PCDHGA5: variants seen among roughly 807,000 people sequenced by gnomAD.
PCDHGA5 encodes protocadherin gamma-A5.
PCDHGA5 carries 36 observed loss-of-function variants against 56.7 expected under a neutral mutation model. The ratio of observed to expected loss-of-function variants is 0.64; its 90% confidence interval spans 0.49 to 0.84. The LOEUF (loss-of-function observed/expected upper bound fraction) is 0.84. Among genes scored for constraint, PCDHGA5 ranks in the 40% least tolerant of loss-of-function variants. The pLI, the probability that PCDHGA5 is intolerant of heterozygous loss-of-function variation, is 0.00. For missense variants in PCDHGA5, 1,305 were observed against 1,201.5 expected (o/e 1.09, Z -1.27); for synonymous variants, 563 against 520.2 (o/e 1.08, Z -1.12).
intron 1 of PCDHGA5, chr5:141,390,223 G>A (rs137959577): frequency 3.7e-6 from 6 of 1,614,020 alleles, no homozygotes; most frequent in East Asian, 2.2e-5. Context: ...ATACTTTGCG[G>A]TGATTCATCT....
In PCDHGA5 at chr5:141,489,116, C is replaced by A; in HGVS notation, c.2422-5691C>A. Reference sequence around the variant, plus strand: ...TAAGAACTGCTGCAAGCAGGCAAACCTCCGAGCAGTTTTTAAGAGGCTGGA... The same window carrying A: ...TAAGAACTGCTGCAAGCAGGCAAACATCCGAGCAGTTTTTAAGAGGCTGGA... On this transcript the variant is annotated intron_variant, in intron 1 of 3. Transcript: ENST00000518069. The surrounding 1 kb of genome is among the most constrained non-coding windows in gnomAD (Gnocchi z 4.5). 3.7e-6 allele frequency: 2 copies of A among 536,398 alleles called. No homozygotes were observed. The highest frequency in any genetic ancestry group is 6.2e-6 in the Non-Finnish European group (2 of 322,530). 33.2% of individuals were successfully genotyped at this position (536,398 alleles called of 1,614,324 possible).
chr5:141,415,465 A>G (rs751798354), intron 1 of PCDHGA5: 19 of 1,613,976 alleles, frequency 1.2e-5, no homozygotes, highest in Non-Finnish European at 1.5e-5. Context: ...GGTCTCTCTC[A>G]CCGCGGACTC....
chr5:141,509,497 G>A (rs1167178592), intron 3 of PCDHGA5, among the ~76,000 whole-genome samples: 1 of 152,196 alleles, frequency 6.6e-6, no homozygotes, highest in Non-Finnish European at 1.5e-5. Flanking sequence ...TGGCATGCTG[G>A]ATGTGACGGT....
Position 141,491,906 on chromosome 5 carries a change from T to A in PCDHGA5, c.2422-2901T>A, listed in dbSNP as rs1490050332. On this transcript the variant is annotated intron_variant, in intron 1 of 3. Transcript: ENST00000518069. The surrounding 1 kb of genome is among the most constrained non-coding windows in gnomAD (Gnocchi z 6.9). ...ATGGGGCTCCGAGCACCGGGGGTGG[T>A]GGCGACTGTGGGCGAGGGGAGGTGG... is the stretch of plus-strand genomic sequence containing the variant. 7.1e-7 allele frequency: 1 copy of A among 1,414,468 alleles called. No individual in the cohort carries two copies. Among genetic ancestry groups the A allele is most frequent in the African/African-American group, 1.4e-5 (1 of 69,002 alleles). 87.6% of individuals were successfully genotyped at this position (1,414,468 alleles called of 1,614,324 possible).
intron 1 of PCDHGA5, chr5:141,417,773 T>C: frequency 6.9e-7 from 1 of 1,458,374 alleles, no homozygotes; most frequent in South Asian, 1.4e-5. Context: ...GGACTCCTCC[T>C]GTCCTGGGCC....
intron 1 of PCDHGA5, chr5:141,419,629 G>T: frequency 6.2e-7 from 1 of 1,612,444 alleles, no homozygotes; most frequent in Non-Finnish European, 8.5e-7. Context: ...TGGTGACCAA[G>T]GTGGTGGCCG....
chr5:141,413,322 G>A, intron 1 of PCDHGA5: 2 of 1,613,940 alleles, frequency 1.2e-6, no homozygotes, highest in Non-Finnish European at 1.7e-6. Flanking sequence ...GCTCTTTCGT[G>A]GGCAACATCT....
intron 1 of PCDHGA5, chr5:141,371,109 C>A (rs781398183): frequency 6.2e-7 from 1 of 1,613,836 alleles, no homozygotes; most frequent in South Asian, 1.1e-5. Context: ...AAATGATAAC[C>A]CCCCAGTATT....
intron 1 of PCDHGA5, chr5:141,390,071 C>G (rs1322880756): frequency 1.2e-6 from 2 of 1,614,084 alleles, no homozygotes; most frequent in Non-Finnish European, 1.7e-6. Flanking sequence ...AGCCTGGTCT[C>G]TGTGTTAAAT....
At chr5:141,404,399 G>A in intron 1 of PCDHGA5, 2 of 1,613,896 alleles carry the variant, frequency 1.2e-6, no homozygotes, top group Non-Finnish European at 1.7e-6. Context: ...TGATAGCAAT[G>A]AGAATTCTAG....
intron 1 of PCDHGA5, among the ~76,000 whole-genome samples, chr5:141,472,516 G>T (rs545962540): frequency 2.0e-5 from 3 of 152,072 alleles, no homozygotes; most frequent in Non-Finnish European, 4.4e-5. Flanking sequence ...CTCCAGCCTG[G>T]GTGACAGAGT....
In PCDHGA5 at chr5:141,423,130, G is replaced by A. The variant is rs770258338; in HGVS notation, c.2421+56379G>A. On this transcript the variant is annotated intron_variant, in intron 1 of 3. Coordinates refer to ENST00000518069, the MANE Select transcript of PCDHGA5 (RefSeq NM_018918.3). The stretch of plus-strand genomic sequence containing the variant: ...GGTGCGTACAGCGCGGGCACTGCTG[G>A]ACAGAGACGCGCTCAAGCAGAGCCT... The A allele has an allele frequency of 9.3e-6, 15 of 1,613,582 alleles. No individual in the cohort carries two copies. Among genetic ancestry groups the A allele is most frequent in the Middle Eastern group, 1.6e-4 (1 of 6,072 alleles).
chr5:141,370,283 A>G (rs1275076013), intron 1 of PCDHGA5: 2 of 944,824 alleles, frequency 2.1e-6, no homozygotes, highest in Non-Finnish European at 3.1e-6. Flanking sequence ...CACCCATTAG[A>G]GAACCCAAGC....
rs746696159 is a variant in PCDHGA5 at position 141,383,050 on chromosome 5, G to T, written c.2421+16299G>T. 23 of 1,613,778 alleles carry T rather than the reference G, an allele frequency of 1.4e-5. No individual in the cohort carries two copies. The Admixed American group carries it at 1.7e-4, about 12-fold the overall frequency. ...GTCCTTTGTGGGAGACATCGCCAAG[G>T]ACCTGGGGCTGGAGCCCCGGGAGCT... On this transcript the variant is annotated intron_variant, in intron 1 of 3. Transcript: ENST00000518069.
chr5:141,411,806 C>G (rs1276116820), intron 1 of PCDHGA5: 1 of 151,860 alleles, frequency 6.6e-6, no homozygotes, highest in Non-Finnish European at 1.5e-5. Flanking sequence ...CGCTTGAGCC[C>G]AGGAAGTCTA....
At chr5:141,453,490 G>T (rs921556476) in intron 1 of PCDHGA5, among the ~76,000 whole-genome samples, 3 of 151,922 alleles carry the variant, frequency 2.0e-5, no homozygotes, top group African/African-American at 7.3e-5. Context: ...TTAAAAAAAG[G>T]TGTACTCAGA....
chr5:141,393,938 C>T lies in PCDHGA5; in HGVS notation c.2421+27187C>T, dbSNP rs537803893. The T allele has an allele frequency of 1.5e-5, 25 of 1,613,934 alleles. No homozygotes were observed. In the African/African-American group the frequency reaches 2.4e-4, roughly 15 times the overall value. ...CCTTCTTGAGTGTGCATGACCAAGA[C>T]TCTGGAAAGAATGGTCAAGTTGTCT... On this transcript the variant is annotated intron_variant, in intron 1 of 3. Transcript: ENST00000518069.
rs1193465269 is a variant in PCDHGA5 at position 141,467,055 on chromosome 5, C to CT, written c.2422-27736dup. Among the ~76,000 whole-genome samples, 814 of 134,448 alleles carry CT rather than the reference C, an allele frequency of 6.1e-3. 10 individuals carry two copies. Among genetic ancestry groups the CT allele is most frequent in the African/African-American group, 0.018 (656 of 36,920 alleles). The allele number at this position is 134,448 out of a possible 152,430, so 88.2% of individuals were successfully genotyped here. A position where few individuals can be genotyped will look rare whatever the true frequency, so the allele number is the denominator to read the frequency against. Reference sequence around the variant, plus strand: ...TTTTTGTGTAATGAATCAATGTTTTCTTTTTTTTTTTTTTTTAGACCAAGT... The same window carrying CT: ...TTTTTGTGTAATGAATCAATGTTTTCTTTTTTTTTTTTTTTTTAGACCAAGT... On this transcript the variant is annotated intron_variant, in intron 1 of 3. Coordinates refer to ENST00000518069, the MANE Select transcript of PCDHGA5 (RefSeq NM_018918.3).
rs760617436 is a variant in PCDHGA5 at position 141,410,113 on chromosome 5, A to T, written c.2421+43362A>T. On this transcript the variant is annotated intron_variant, in intron 1 of 3. Transcript: ENST00000518069. The stretch of plus-strand genomic sequence containing the variant: ...CTCGAGCCTTAGGCGACAGGGACGC[A>T]GCCCGCCAGCGCCTGCTGGTCGCTG... 5 of 1,612,436 alleles carry T rather than the reference A, an allele frequency of 3.1e-6. No individual in the cohort carries two copies. The African/African-American group carries it at 6.7e-5, about 22-fold the overall frequency.
Sources: gnomAD v4.1 joint callset for allele counts (sites outside exome capture counted in the v4.1 genomes callset) on GRCh38, gnomAD v4.1.1 for gene constraint, Gnocchi (gnomAD v3.1) non-coding constraint, MANE v1.5 for transcripts, NCBI Gene and HGNC (gene_info 2026-07-23, HGNC 2026-07-21) for gene names.